RYR3: variants seen among roughly 807,000 people sequenced by gnomAD.
RYR3 encodes ryanodine receptor 3.
A neutral mutation model predicts 584.3 loss-of-function variants in RYR3; 207 were observed. The observed-to-expected ratio is 0.35, with a 90% confidence interval of 0.32 to 0.40. The LOEUF (loss-of-function observed/expected upper bound fraction) is 0.40. Ranked by LOEUF, RYR3 falls within the 10% of genes least tolerant of loss-of-function variation. The probability of loss-of-function intolerance (pLI) is 1.00; values close to 1 mark genes in which losing one functional copy is unlikely to be tolerated. For synonymous variants in RYR3, 2,416 were observed against 2,248.5 expected, an observed-to-expected ratio of 1.07 and a Z score of -2.11; for missense variants, 5,616 against 6,089.2, an observed-to-expected ratio of 0.92 and a Z score of 2.59.
intron 3 of RYR3, among the ~76,000 whole-genome samples, chr15:33,505,489 T>G (rs1190816371): frequency 6.6e-6 from 1 of 152,136 alleles, no homozygotes. Context: ...ACTTCCAGTT[T>G]AGGGAAACTT....
chr15:33,672,662 AC>A (rs1322794496), intron 38 of RYR3, among the ~76,000 whole-genome samples: 2 of 152,202 alleles, frequency 1.3e-5, no homozygotes, highest in Non-Finnish European at 2.9e-5. Context: ...TGATTACAGA[AC>A]CATATGCATT....
intron 52 of RYR3, among the ~76,000 whole-genome samples, chr15:33,743,711 T>G (rs2070402956): frequency 6.6e-6 from 1 of 152,214 alleles, no homozygotes; most frequent in Admixed American, 6.5e-5. Context: ...TATATTTGTC[T>G]CTGTTCTTAT....
intron 66 of RYR3, among the ~76,000 whole-genome samples, chr15:33,786,605 A>G (rs1246258571): frequency 6.6e-6 from 1 of 152,142 alleles, no homozygotes; most frequent in African/African-American, 2.4e-5. Flanking sequence ...GAAAATCAAT[A>G]ACTATACTTT....
Position 33,837,839 on chromosome 15 carries a change from G to A in RYR3, c.11859G>A (p.Gln3953=), listed in dbSNP as rs189410371. Residue 3953 remains glutamine, a synonymous_variant, in exon 89 of 104, where the codon CAG becomes CAA. Transcript: ENST00000634891. The stretch of plus-strand genomic sequence containing the variant: ...AGAAGGCCATGGAAGGGCAAAAACA[G>A]TACACGCAGTCAGAGATTGACTTTC... The part of the protein sequence containing the change: ...EFQKAMEGQK[Q]YTQSEIDFLL... 358 of 1,614,008 alleles carry A rather than the reference G, an allele frequency of 2.2e-4. No individual in the cohort carries two copies. Among genetic ancestry groups the A allele is most frequent in the Admixed American group, 1.1e-3 (66 of 60,026 alleles).
At chr15:33,684,918 C>T (rs952649630) in intron 38 of RYR3, among the ~76,000 whole-genome samples, 2 of 152,136 alleles carry the variant, frequency 1.3e-5, no homozygotes, top group African/African-American at 2.4e-5. Flanking sequence ...CACTGCCAGG[C>T]CCGCCTTACA....
chr15:33,714,341 T>G (rs889033068), intron 43 of RYR3, among the ~76,000 whole-genome samples: 3 of 152,258 alleles, frequency 2.0e-5, no homozygotes, highest in African/African-American at 7.2e-5. Flanking sequence ...TTTACTATTA[T>G]TTCTTAATGT....
At chr15:33,473,386 T>C in intron 1 of RYR3, 33 bp from the exon 2 acceptor site, 1 of 1,613,176 alleles carries the variant, frequency 6.2e-7, no homozygotes, top group Non-Finnish European at 8.5e-7. Context: ...GCAGTTCCCC[T>C]TACTCATGTT....
chr15:33,314,356 A>G (rs1595681938), intron 1 of RYR3, among the ~76,000 whole-genome samples: 1 of 152,130 alleles, frequency 6.6e-6, no homozygotes, highest in Non-Finnish European at 1.5e-5. Context: ...AAGCAGATAA[A>G]CCTGCCAGCC....
rs185367890 is a variant in RYR3, at chr15:33,855,579, T to C, written c.14007+667T>C. Among the ~76,000 whole-genome samples, 4 of 151,538 alleles carry C rather than the reference T, an allele frequency of 2.6e-5. No homozygotes were observed. The East Asian group carries it at 7.8e-4, about 29-fold the overall frequency. On this transcript the variant is annotated intron_variant, in intron 98 of 103. Coordinates refer to ENST00000634891, the MANE Select transcript of RYR3 (RefSeq NM_001036.6). ...TGGGGGTTAGCAAGTAGACATACTG[T>C]ACACAGAAAACTCCCCAGGTATTTC...
chr15:33,518,560 A>G (rs1006767670), intron 3 of RYR3, among the ~76,000 whole-genome samples: 2 of 152,194 alleles, frequency 1.3e-5, no homozygotes, highest in African/African-American at 4.8e-5. Flanking sequence ...AAGGGAAGTC[A>G]GGTTTTACTG....
At chr15:33,424,920 C>T (rs900175266) in intron 1 of RYR3, among the ~76,000 whole-genome samples, 45 of 152,280 alleles carry the variant, frequency 3.0e-4, no homozygotes, top group African/African-American at 1.1e-3. Context: ...TGAGTCCAGC[C>T]TGGCAACATT....
chr15:33,503,600 A>G (rs1353992311), intron 2 of RYR3, 31 bp from the exon 3 acceptor site: 1 of 1,267,992 alleles, frequency 7.9e-7, no homozygotes, highest in Non-Finnish European at 1.1e-6. Context: ...TGATATGAGT[A>G]GGTATCCTCA....
chr15:33,537,374 G>C (rs577753808), intron 5 of RYR3, among the ~76,000 whole-genome samples: 142 of 152,106 alleles, frequency 9.3e-4, no homozygotes, highest in African/African-American at 3.3e-3. Context: ...TTTTTAGTTT[G>C]TTTGTTTGTT....
At chr15:33,859,417 G>C (rs2080096154) in intron 99 of RYR3, among the ~76,000 whole-genome samples, 158 bp from the exon 100 acceptor site, 1 of 152,170 alleles carries the variant, frequency 6.6e-6, no homozygotes. Context: ...GGGTGCAGTG[G>C]ACAGCAGCTA....
rs76426030 is a variant in RYR3 at position 33,452,711 on chromosome 15, T to TAA, written c.52-20702_52-20701dup. Among the ~76,000 whole-genome samples, 7 of 151,806 alleles carry TAA rather than the reference T, an allele frequency of 4.6e-5. No individual in the cohort carries two copies. The East Asian group carries it at 9.6e-4, about 21-fold the overall frequency. On this transcript the variant is annotated intron_variant, in intron 1 of 103. Transcript: ENST00000634891. The stretch of plus-strand genomic sequence containing the variant: ...CCAAAAAAATTGAGGTGTGAGAGGT[T>TAA]AAAAAAATTGCCAAAAGTTACATGG...
At position 33,857,850 on chromosome 15, in the gene RYR3, G is replaced by A. The variant is rs1215760658; in HGVS notation, c.14078G>A (p.Arg4693His). 1.9e-6 allele frequency: 3 copies of A among 1,614,102 alleles called. No homozygotes were observed. The highest frequency in any genetic ancestry group is 1.7e-6 in the Non-Finnish European group (2 of 1,180,040). ...ACTGTGGTGGCTTTCAACTTCTTCC[G>A]CAAGTTCTACAACAAAAGCGAAGAC... ...LYTVVAFNFF[R>H]KFYNKSEDDD... Residue 4693 changes from arginine (R) to histidine (H), a missense_variant, in exon 99 of 104, where the codon CGC becomes CAC. Arg to His is a conservative substitution (Grantham distance 29). Coordinates refer to ENST00000634891, the MANE Select transcript of RYR3 (RefSeq NM_001036.6).
rs146379270 is a variant in RYR3, at chr15:33,378,578, A to C, written c.51+67482A>C. Among the ~76,000 whole-genome samples the C allele has an allele frequency of 1.2e-4, 18 of 152,342 alleles. No individual in the cohort carries two copies. In the East Asian group the frequency reaches 3.3e-3, roughly 28 times the overall value. ...AGAAGCAAATAAGGAGAAGGGATCT[A>C]GTGTTTTTTATGGAATAACCAGAAA... On this transcript the variant is annotated intron_variant, in intron 1 of 103. Coordinates refer to ENST00000634891, the MANE Select transcript of RYR3 (RefSeq NM_001036.6).
At chr15:33,415,846 C>T (rs751174109) in intron 1 of RYR3, among the ~76,000 whole-genome samples, 3 of 152,086 alleles carry the variant, frequency 2.0e-5, no homozygotes, top group Non-Finnish European at 4.4e-5. Flanking sequence ...GTTTTTCAAC[C>T]CTTCTCCCCA....
rs68182512 is a variant in RYR3, at chr15:33,425,637, AT to A, written c.52-47760del. 5.4e-3 allele frequency among the ~76,000 whole-genome samples: 652 copies of A among 121,712 alleles called. 2 individuals carry two copies. Among genetic ancestry groups the A allele is most frequent in the Middle Eastern group, 8.5e-3 (2 of 234 alleles). 79.8% of individuals were successfully genotyped at this position (121,712 alleles called of 152,430 possible). On this transcript the variant is annotated intron_variant, in intron 1 of 103. Coordinates refer to ENST00000634891, the MANE Select transcript of RYR3 (RefSeq NM_001036.6). ...AGCTTCTACTAGGTTGAGACTCACA[AT>A]TTTTTTTTTTTTTTTTTTTTTGAGA...
Sources: allele counts gnomAD v4.1 joint callset (sites outside exome capture counted in the v4.1 genomes callset), GRCh38; gene constraint gnomAD v4.1.1; transcripts MANE v1.5; gene names NCBI Gene and HGNC (gene_info 2026-07-23, HGNC 2026-07-21).